LRRTM3: variants seen among roughly 807,000 people sequenced by gnomAD.
The protein encoded by LRRTM3 is leucine-rich repeat transmembrane neuronal protein 3.
Under a neutral mutation model 44.7 loss-of-function variants are expected in LRRTM3, and 24 were observed. That is an observed-to-expected ratio of 0.54 (90% CI 0.39 to 0.76). The LOEUF (loss-of-function observed/expected upper bound fraction) is 0.76. Among genes scored for constraint, LRRTM3 ranks in the 30% least tolerant of loss-of-function variants. LRRTM3 has a pLI of 0.00. For missense variants in LRRTM3, 587 were observed against 702.2 expected, an observed-to-expected ratio of 0.84 and a Z score of 1.85; for synonymous variants, 277 against 278.7, an observed-to-expected ratio of 0.99 and a Z score of 0.06.
In LRRTM3 at chr10:67,089,717, ATGTGTG is replaced by A. The variant is rs71006125; in HGVS notation, c.1537-7839_1537-7834del. On this transcript the variant is annotated intron_variant, in intron 2 of 2. Transcript: ENST00000361320. ...AGAGTATACATATGTGTATATACAT[ATGTGTG>A]TGTGTGTGTGTGTGTGTGTGTGTGT... Among the ~76,000 whole-genome samples the A allele has an allele frequency of 5.3e-3, 761 of 144,730 alleles. 5 individuals carry two copies. The highest frequency in any genetic ancestry group is 0.012 in the African/African-American group (475 of 39,366). 94.9% of individuals were successfully genotyped at this position (144,730 alleles called of 152,430 possible).
chr10:66,943,236 G>A (rs1434457622), intron 2 of LRRTM3, among the ~76,000 whole-genome samples: 2 of 152,188 alleles, frequency 1.3e-5, no homozygotes, highest in Admixed American at 6.5e-5. Flanking sequence ...CACAAGATCT[G>A]TGAAATGATA....
intron 2 of LRRTM3, among the ~76,000 whole-genome samples, chr10:67,043,848 G>C (rs188418108): frequency 6.6e-6 from 1 of 151,256 alleles, no homozygotes; most frequent in African/African-American, 2.4e-5. Flanking sequence ...TTTTTTTTCT[G>C]TTTACTTCTA....
chr10:67,035,539 G>C (rs560089902), intron 2 of LRRTM3, among the ~76,000 whole-genome samples: 1 of 152,222 alleles, frequency 6.6e-6, no homozygotes, highest in Non-Finnish European at 1.5e-5. Context: ...ATGTGAATCA[G>C]TAAATTCTAA....
chr10:67,033,341 G>A (rs539744168), intron 2 of LRRTM3, among the ~76,000 whole-genome samples: 1 of 152,208 alleles, frequency 6.6e-6, no homozygotes, highest in East Asian at 1.9e-4. Flanking sequence ...CCATCAAACT[G>A]TGGCTCATAG....
At chr10:66,958,137 C>T (rs1429577601) in intron 2 of LRRTM3, among the ~76,000 whole-genome samples, 1 of 151,972 alleles carries the variant, frequency 6.6e-6, no homozygotes, top group East Asian at 1.9e-4. Flanking sequence ...CAGATAATCT[C>T]AGGAGTTTAT....
intron 2 of LRRTM3, among the ~76,000 whole-genome samples, chr10:67,082,865 G>A (rs1857119632): frequency 1.3e-5 from 2 of 152,142 alleles, no homozygotes; most frequent in African/African-American, 2.4e-5. Flanking sequence ...ACAATATTAT[G>A]AGTCAAGCAA....
At chr10:66,961,474 T>C (rs1849105479) in intron 2 of LRRTM3, among the ~76,000 whole-genome samples, 1 of 152,208 alleles carries the variant, frequency 6.6e-6, no homozygotes, top group Non-Finnish European at 1.5e-5. Flanking sequence ...GGTGATTTTC[T>C]TCCAACCTCA....
rs1858304362 is a variant in LRRTM3, at chr10:67,100,983, T to A, written c.*3187T>A. ...AATATATATCTATATATATTTGACA[T>A]GTTGTTTAGTAATCCCTATTTTAAT... On this transcript the variant is annotated 3_prime_UTR_variant, in exon 3 of 3. Transcript: ENST00000361320. 6.6e-6 allele frequency among the ~76,000 whole-genome samples: 1 copy of A among 151,740 alleles called. No individual in the cohort carries two copies. The highest frequency in any genetic ancestry group is 2.1e-4 in the South Asian group (1 of 4,820).
chr10:66,955,011 T>C (rs1848715956), intron 2 of LRRTM3, among the ~76,000 whole-genome samples: 1 of 152,156 alleles, frequency 6.6e-6, no homozygotes, highest in Non-Finnish European at 1.5e-5. Flanking sequence ...TTGGAAAACA[T>C]TGGAGCACAT....
chr10:67,019,221 A>C (rs1852839927), intron 2 of LRRTM3, among the ~76,000 whole-genome samples: 1 of 151,790 alleles, frequency 6.6e-6, no homozygotes, highest in Non-Finnish European at 1.5e-5. Flanking sequence ...ATTTTATTTT[A>C]TTATTATTTT....
At chr10:66,931,820 C>T (rs970785642) in intron 2 of LRRTM3, among the ~76,000 whole-genome samples, 1 of 152,052 alleles carries the variant, frequency 6.6e-6, no homozygotes, top group Non-Finnish European at 1.5e-5. Flanking sequence ...CGAGTAATAA[C>T]GCAATAAGAA....
chr10:67,051,969 G>T (rs951245748), intron 2 of LRRTM3, among the ~76,000 whole-genome samples: 1 of 149,050 alleles, frequency 6.7e-6, no homozygotes, highest in African/African-American at 2.5e-5. Flanking sequence ...TGGCCAGGCT[G>T]GTCTCAAACT....
chr10:67,096,386 A>G (rs1857996466), intron 2 of LRRTM3, among the ~76,000 whole-genome samples: 1 of 151,804 alleles, frequency 6.6e-6, no homozygotes, highest in Admixed American at 6.6e-5. Flanking sequence ...AAAAAATAAT[A>G]CCTAGGCCTT....
intron 2 of LRRTM3, among the ~76,000 whole-genome samples, chr10:67,079,277 A>G (rs778313982): frequency 5.3e-4 from 81 of 152,320 alleles, no homozygotes; most frequent in Middle Eastern, 3.4e-3. Context: ...GAATTTAAGA[A>G]ACTATCATAA....
At chr10:67,065,077 G>A (rs900053229) in intron 2 of LRRTM3, among the ~76,000 whole-genome samples, 11 of 152,048 alleles carry the variant, frequency 7.2e-5, no homozygotes, top group African/African-American at 2.7e-4. Context: ...GTGACATCCC[G>A]AAAACAGAGC....
At chr10:67,036,437 G>A (rs1310968678) in intron 2 of LRRTM3, among the ~76,000 whole-genome samples, 4 of 152,044 alleles carry the variant, frequency 2.6e-5, no homozygotes, top group Non-Finnish European at 4.4e-5. Flanking sequence ...AGGCTGAGGC[G>A]GGCAAATCAT....
Position 66,926,165 on chromosome 10 carries a change from G to C in LRRTM3, c.-419G>C, listed in dbSNP as rs1459061072. Reference sequence around the variant, plus strand: ...GAACTGGGTGCTCATCACGGGAACTGCTGGGGTATGGAATACAGATGTGGC... The same window carrying C: ...GAACTGGGTGCTCATCACGGGAACTCCTGGGGTATGGAATACAGATGTGGC... On this transcript the variant is annotated 5_prime_UTR_variant, in exon 1 of 3. Transcript: ENST00000361320. The C allele has an allele frequency of 6.5e-6, 3 of 463,306 alleles. No homozygotes were observed. Among genetic ancestry groups the C allele is most frequent in the Non-Finnish European group, 1.3e-5 (3 of 231,750 alleles). The allele number at this position is 463,306 out of a possible 1,614,324, so 28.7% of individuals were successfully genotyped here.
chr10:67,024,654 AG>A (rs1269765826), intron 2 of LRRTM3, among the ~76,000 whole-genome samples: 1 of 152,220 alleles, frequency 6.6e-6, no homozygotes, highest in African/African-American at 2.4e-5. Flanking sequence ...AACCAGCAAA[AG>A]TTACCTTAGA....
chr10:67,042,001 C>T (rs920724301), intron 2 of LRRTM3, among the ~76,000 whole-genome samples: 2 of 151,936 alleles, frequency 1.3e-5, no homozygotes, highest in African/African-American at 2.4e-5. Context: ...ATTGAAGTAA[C>T]CTTAAAGTAC....
Sources: allele counts gnomAD v4.1 joint callset (sites outside exome capture counted in the v4.1 genomes callset), GRCh38; gene constraint gnomAD v4.1.1; transcripts MANE v1.5; gene names NCBI Gene and HGNC (gene_info 2026-07-23, HGNC 2026-07-21).